PBX1: variants seen among roughly 807,000 people sequenced by gnomAD.
PBX1 encodes the protein PBX homeobox 1.
A neutral mutation model predicts 53.4 loss-of-function variants in PBX1; 6 were observed. That is an observed-to-expected ratio of 0.11 (90% confidence interval 0.06 to 0.22). The LOEUF is 0.22. Among genes scored for constraint, PBX1 ranks in the 10% least tolerant of loss-of-function variants. The pLI, the probability that PBX1 is intolerant of heterozygous loss-of-function variation, is 1.00. For missense variants in PBX1, 251 were observed against 551.4 expected (o/e 0.46, Z 5.46); for synonymous variants, 204 against 212.3 (o/e 0.96, Z 0.34).
intron 2 of PBX1, among the ~76,000 whole-genome samples, chr1:164,629,916 A>G (rs1172693532): frequency 6.6e-6 from 1 of 152,168 alleles, no homozygotes; most frequent in Non-Finnish European, 1.5e-5. Flanking sequence ...GACTACATAT[A>G]TTTATATATT....
Position 164,847,421 on chromosome 1 carries a change from TC to T in PBX1, c.*747del. 9.4e-7 allele frequency: 1 copy of T among 1,064,060 alleles called. No homozygotes were observed. The highest frequency in any genetic ancestry group is 1.1e-6 in the Non-Finnish European group (1 of 878,490). The allele number at this position is 1,064,060 out of a possible 1,614,324, so 65.9% of individuals were successfully genotyped here. ...GACACGGGAACAGCAGGTGGAGAAT[TC>T]CTACAGTCTTTCTTACCCTGCTAGC... On this transcript the variant is annotated 3_prime_UTR_variant, in exon 9 of 9. Coordinates refer to ENST00000420696, the MANE Select transcript of PBX1 (RefSeq NM_002585.4).
intron 2 of PBX1, among the ~76,000 whole-genome samples, chr1:164,681,090 A>T (rs1233823334): frequency 1.4e-5 from 1 of 73,920 alleles, no homozygotes; most frequent in Non-Finnish European, 2.6e-5. Flanking sequence ...CTAAGAATTT[A>T]AAAATTAACC....
Position 164,844,111 on chromosome 1 carries a change from CTTTCT to C in PBX1, c.1201-2469_1201-2465del, listed in dbSNP as rs796965949. On this transcript the variant is annotated intron_variant, in intron 8 of 8. Transcript: ENST00000420696. ...ACATGCCTTTTTTCTTTCTTTCTTT[CTTTCT>C]TTTTTTTTTTTTTTTTACCAGAATT... Among the ~76,000 whole-genome samples the C allele has an allele frequency of 2.4e-3, 293 of 119,920 alleles. 1 individual carries two copies. Among genetic ancestry groups the C allele is most frequent in the African/African-American group, 8.6e-3 (258 of 30,066 alleles). The allele number at this position is 119,920 out of a possible 152,430, so 78.7% of individuals were successfully genotyped here.
chr1:164,593,953 G>T lies in PBX1; in HGVS notation c.265+30642G>T, dbSNP rs115018246. Among the ~76,000 whole-genome samples, 1,407 of 152,282 alleles carry T rather than the reference G, an allele frequency of 9.2e-3. 33 individuals carry two copies. The highest frequency in any genetic ancestry group is 0.033 in the African/African-American group (1,359 of 41,562). Reference sequence around the variant, plus strand: ...CTGATATTTTCTTCCTTTGGGAGAAGCTTCACTTTTCCCACTTTAGCCTTC... The same window carrying T: ...CTGATATTTTCTTCCTTTGGGAGAATCTTCACTTTTCCCACTTTAGCCTTC... On this transcript the variant is annotated intron_variant, in intron 2 of 8. Transcript: ENST00000420696.
At chr1:164,832,723 G>A (rs186813226) in intron 8 of PBX1, among the ~76,000 whole-genome samples, 2 of 152,174 alleles carry the variant, frequency 1.3e-5, no homozygotes, top group East Asian at 3.9e-4. Flanking sequence ...AAAGAATTTA[G>A]TAATCAACTA....
In PBX1 at chr1:164,846,977, C is replaced by T; in HGVS notation, c.*301C>T. On this transcript the variant is annotated 3_prime_UTR_variant, in exon 9 of 9. Transcript: ENST00000420696. ...TGTCCTAGACTCCCGGGGTCCCCGCCCTCTCTCATATCACTGAAGGATATT... is the reference window on the plus strand; with the variant it reads ...TGTCCTAGACTCCCGGGGTCCCCGCTCTCTCTCATATCACTGAAGGATATT... 2.4e-6 allele frequency: 3 copies of T among 1,226,272 alleles called. No individual in the cohort carries two copies. The highest frequency in any genetic ancestry group is 3.1e-6 in the Non-Finnish European group (3 of 976,896). The allele number at this position is 1,226,272 out of a possible 1,614,324, so 76.0% of individuals were successfully genotyped here. A position where few individuals can be genotyped will look rare whatever the true frequency, so the allele number is the denominator to read the frequency against.
chr1:164,621,464 A>G (rs1657675943), intron 2 of PBX1, among the ~76,000 whole-genome samples: 1 of 151,986 alleles, frequency 6.6e-6, no homozygotes, highest in Admixed American at 6.6e-5. Context: ...GGGGGGTGCT[A>G]TTTAGTACAG....
intron 2 of PBX1, among the ~76,000 whole-genome samples, chr1:164,752,462 G>T (rs1002514280): frequency 6.6e-6 from 1 of 152,060 alleles, no homozygotes; most frequent in African/African-American, 2.4e-5. Context: ...GCAGAATGTG[G>T]AAGGAGGAGA....
chr1:164,807,775 T>C (rs1669426916), intron 5 of PBX1, 98 bp downstream of exon 5: 11 of 1,357,500 alleles, frequency 8.1e-6, no homozygotes, highest in African/African-American at 2.9e-5. Context: ...ATTCATGCCT[T>C]GCAAGTTCCA....
chr1:164,645,272 T>C (rs1197122852), intron 2 of PBX1, among the ~76,000 whole-genome samples: 1 of 152,148 alleles, frequency 6.6e-6, no homozygotes, highest in East Asian at 1.9e-4. Flanking sequence ...ATTGTAGAGC[T>C]CAAGGTGTCC....
intron 2 of PBX1, among the ~76,000 whole-genome samples, chr1:164,706,475 C>T (rs551258053): frequency 3.3e-5 from 5 of 152,266 alleles, no homozygotes; most frequent in East Asian, 1.9e-4. Flanking sequence ...TAGTTATGCA[C>T]GGTTTCCTTA....
At chr1:164,652,316 G>T (rs981820724) in intron 2 of PBX1, among the ~76,000 whole-genome samples, 1 of 152,100 alleles carries the variant, frequency 6.6e-6, no homozygotes, top group African/African-American at 2.4e-5. Context: ...AACCCCTGTG[G>T]GGGTACTCTA....
chr1:164,838,298 A>C (rs1671139278), intron 8 of PBX1, among the ~76,000 whole-genome samples: 1 of 152,210 alleles, frequency 6.6e-6, no homozygotes, highest in African/African-American at 2.4e-5. Context: ...AGCCATATTC[A>C]CTGGCAAGGT....
chr1:164,610,061 A>T (rs1571059832), intron 2 of PBX1, among the ~76,000 whole-genome samples: 1 of 152,030 alleles, frequency 6.6e-6, no homozygotes, highest in East Asian at 1.9e-4. Context: ...GAAGGGCCCC[A>T]CCTTCCATGC....
At chr1:164,884,810 C>T (rs1034233497) in intron 2 of PBX1, among the ~76,000 whole-genome samples, 1 of 152,190 alleles carries the variant, frequency 6.6e-6, no homozygotes, top group African/African-American at 2.4e-5. Flanking sequence ...TCTTCGCCCC[C>T]ACTAATCCAG....
intron 2 of PBX1, among the ~76,000 whole-genome samples, chr1:164,737,365 GT>G (rs1335495134): frequency 6.6e-6 from 1 of 151,954 alleles, no homozygotes; most frequent in East Asian, 1.9e-4. Context: ...GATATCCATT[GT>G]TTTTATTTTT....
intron 2 of PBX1, among the ~76,000 whole-genome samples, chr1:164,751,796 G>T (rs991099938): frequency 1.1e-4 from 17 of 151,884 alleles, no homozygotes; most frequent in African/African-American, 4.1e-4. Flanking sequence ...TGGCCAGGCT[G>T]ATCTCAGACT....
intron 2 of PBX1, among the ~76,000 whole-genome samples, chr1:164,635,666 G>A (rs755034776): frequency 8.3e-4 from 126 of 151,346 alleles, no homozygotes; most frequent in Non-Finnish European, 1.3e-3. Flanking sequence ...CTCCTCGGAC[G>A]GATCCACACA....
At position 164,691,544 on chromosome 1, in the gene PBX1, A is replaced by G. The variant is rs151130462; in HGVS notation, c.266-100950A>G. Among the ~76,000 whole-genome samples, 376 of 152,248 alleles carry G rather than the reference A, an allele frequency of 2.5e-3. 4 individuals carry two copies. Among genetic ancestry groups the G allele is most frequent in the Non-Finnish European group, 3.6e-3 (248 of 68,022 alleles). On this transcript the variant is annotated intron_variant, in intron 2 of 8. Coordinates refer to ENST00000420696, the MANE Select transcript of PBX1 (RefSeq NM_002585.4). ...CAAGCAAGAACTTATAGACAGACCC[A>G]TTCTCTTTCAGTCCCATCTAGACAC... is the stretch of plus-strand genomic sequence containing the variant.
Sources: allele counts gnomAD v4.1 joint callset (sites outside exome capture counted in the v4.1 genomes callset), GRCh38; gene constraint gnomAD v4.1.1; transcripts MANE v1.5; gene names NCBI Gene and HGNC (gene_info 2026-07-23, HGNC 2026-07-21).